DEFB125: variants seen among roughly 807,000 people sequenced by gnomAD.
DEFB125 encodes the protein beta-defensin 125.
In DEFB125, 11 loss-of-function variants were observed where a neutral mutation model predicts 11.8. That is an observed-to-expected ratio of 0.94 (90% CI 0.59 to 1.55). DEFB125 has a LOEUF of 1.55. Among genes scored for constraint, DEFB125 ranks in the 40% most tolerant of loss-of-function variants. The pLI, the probability that DEFB125 is intolerant of heterozygous loss-of-function variation, is 0.00. For missense variants in DEFB125, 198 were observed against 191.2 expected, an observed-to-expected ratio of 1.04 and a Z score of -0.21; for synonymous variants, 79 against 66.7, an observed-to-expected ratio of 1.18 and a Z score of -0.90.
chr20:95,518 A>C (rs781246784), intron 1 of DEFB125, among the ~76,000 whole-genome samples: 20 of 152,146 alleles, frequency 1.3e-4, no homozygotes, highest in Non-Finnish European at 2.8e-4. Flanking sequence ...ACTGATGTTC[A>C]TCAAGGATAC....
chr20:90,693 T>C (rs2054493061), intron 1 of DEFB125, among the ~76,000 whole-genome samples: 1 of 152,200 alleles, frequency 6.6e-6, no homozygotes, highest in Non-Finnish European at 1.5e-5. Context: ...CTGGCCCTTA[T>C]GACCTCTCTC....
intron 1 of DEFB125, among the ~76,000 whole-genome samples, chr20:91,775 G>A (rs2054496984): frequency 6.6e-6 from 1 of 152,208 alleles, no homozygotes; most frequent in Non-Finnish European, 1.5e-5. Context: ...CATATTTCAA[G>A]TATGGATAAT....
intron 1 of DEFB125, among the ~76,000 whole-genome samples, chr20:88,865 GACACACACACACACACAC>G (rs200122767): frequency 6.7e-6 from 1 of 148,428 alleles, no homozygotes; most frequent in South Asian, 2.1e-4. Context: ...TGGACACGTG[GACACACACACACACACAC>G]ACACACACAC....
chr20:95,501 T>G (rs1302703163), intron 1 of DEFB125, among the ~76,000 whole-genome samples: 1 of 152,164 alleles, frequency 6.6e-6, no homozygotes, highest in Non-Finnish European at 1.5e-5. Context: ...TTGTTCAGGA[T>G]TTTTGCACTG....
At position 96,476 on chromosome 20, in the gene DEFB125, A is replaced by G; in HGVS notation, c.*59A>G. 6.5e-7 allele frequency: 1 copy of G among 1,533,024 alleles called. No homozygotes were observed. Among genetic ancestry groups the G allele is most frequent in the Non-Finnish European group, 8.7e-7 (1 of 1,144,354 alleles). The allele number at this position is 1,533,024 out of a possible 1,614,324, so 95.0% of individuals were successfully genotyped here. On this transcript the variant is annotated 3_prime_UTR_variant, in exon 2 of 2. Coordinates refer to ENST00000382410, the MANE Select transcript of DEFB125 (RefSeq NM_153325.4). ...ATACTGCTGGAAATAATATCCAAAG[A>G]GCTGATTCTACCAATCCAATTTCAC...
At chr20:95,885 G>T in intron 1 of DEFB125, 120 bp from the exon 2 acceptor site, 5 of 922,114 alleles carry the variant, frequency 5.4e-6, no homozygotes, top group South Asian at 2.0e-5. Flanking sequence ...TCTTACAATG[G>T]CTTTTTGTAT....
At chr20:88,681 A>G (rs2054485306) in intron 1 of DEFB125, among the ~76,000 whole-genome samples, 2 of 152,208 alleles carry the variant, frequency 1.3e-5, no homozygotes, top group Non-Finnish European at 2.9e-5. Flanking sequence ...GAGACATCTT[A>G]TCCATACATA....
At chr20:90,646 A>T (rs1453957674) in intron 1 of DEFB125, among the ~76,000 whole-genome samples, 2 of 152,188 alleles carry the variant, frequency 1.3e-5, no homozygotes, top group Non-Finnish European at 2.9e-5. Context: ...GAGCGGTAAC[A>T]AGAGTCCATA....
Position 96,482 on chromosome 20 carries a change from T to G in DEFB125, c.*65T>G, listed in dbSNP as rs1312797395. ...CTGGAAATAATATCCAAAGAGCTGATTCTACCAATCCAATTTCACCAGGAA... is the reference window on the plus strand; with the variant it reads ...CTGGAAATAATATCCAAAGAGCTGAGTCTACCAATCCAATTTCACCAGGAA... On this transcript the variant is annotated 3_prime_UTR_variant, in exon 2 of 2. Transcript: ENST00000382410. 142 of 1,518,134 alleles carry G rather than the reference T, an allele frequency of 9.4e-5. No homozygotes were observed. Among genetic ancestry groups the G allele is most frequent in the Non-Finnish European group, 8.8e-7 (1 of 1,136,840 alleles). The allele number at this position is 1,518,134 out of a possible 1,614,324, so 94.0% of individuals were successfully genotyped here. A position where few individuals can be genotyped will look rare whatever the true frequency, so the allele number is the denominator to read the frequency against.
chr20:94,065 T>G (rs1285596390), intron 1 of DEFB125, among the ~76,000 whole-genome samples: 1 of 142,308 alleles, frequency 7.0e-6, no homozygotes, highest in Non-Finnish European at 1.5e-5. Context: ...GATGCCCAAT[T>G]AAACATTTTT....
At chr20:91,947 T>TAG (rs2054497605) in intron 1 of DEFB125, among the ~76,000 whole-genome samples, 1 of 152,130 alleles carries the variant, frequency 6.6e-6, no homozygotes. Context: ...ATAACAAAGA[T>TAG]AGAATAAATG....
intron 1 of DEFB125, among the ~76,000 whole-genome samples, chr20:94,942 G>T (rs1171663253): frequency 6.6e-6 from 1 of 152,154 alleles, no homozygotes; most frequent in African/African-American, 2.4e-5. Flanking sequence ...TTTGTAGCCT[G>T]GCTGCTGGGC....
chr20:95,868 G>T (rs559059076), intron 1 of DEFB125, 137 bp from the exon 2 acceptor site: 3 of 763,150 alleles, frequency 3.9e-6, no homozygotes, highest in South Asian at 2.3e-5. Flanking sequence ...TTGTTCTCCT[G>T]TTTGTCTCTT....
rs1298700574 is a variant in DEFB125 at position 96,862 on chromosome 20, G to A, written c.*445G>A. On this transcript the variant is annotated 3_prime_UTR_variant, in exon 2 of 2. Coordinates refer to ENST00000382410, the MANE Select transcript of DEFB125 (RefSeq NM_153325.4). ...GAGAACATATAAAAGCATATAGAAA[G>A]TTCCAGATGAATGTTCCCTTCTCTA... 1 of 155,384 alleles carries A rather than the reference G, an allele frequency of 6.4e-6. No individual in the cohort carries two copies. The highest frequency in any genetic ancestry group is 1.9e-4 in the East Asian group (1 of 5,294). 9.6% of individuals were successfully genotyped at this position (155,384 alleles called of 1,614,324 possible). A position where few individuals can be genotyped will look rare whatever the true frequency, so the allele number is the denominator to read the frequency against.
At chr20:95,338 G>A (rs1000743521) in intron 1 of DEFB125, among the ~76,000 whole-genome samples, 1 of 151,654 alleles carries the variant, frequency 6.6e-6, no homozygotes. Flanking sequence ...ACCCACCATG[G>A]TTTACCAATT....
At chr20:88,806 AT>A (rs1207584955) in intron 1 of DEFB125, among the ~76,000 whole-genome samples, 14 of 151,774 alleles carry the variant, frequency 9.2e-5, no homozygotes, top group Non-Finnish European at 1.2e-4. Flanking sequence ...ATCAAAAACA[AT>A]TCAGCAAGAA....
chr20:95,298 C>A (rs537754360), intron 1 of DEFB125, among the ~76,000 whole-genome samples: 4 of 152,032 alleles, frequency 2.6e-5, no homozygotes, highest in Non-Finnish European at 5.9e-5. Flanking sequence ...GAATTTAATT[C>A]TAGTCCTCTT....
At chr20:95,198 T>G (rs750828062) in intron 1 of DEFB125, among the ~76,000 whole-genome samples, 24 of 152,304 alleles carry the variant, frequency 1.6e-4, no homozygotes, top group Non-Finnish European at 1.5e-5. Context: ...TAGAGTCTTA[T>G]TCTCCTGTTT....
intron 1 of DEFB125, among the ~76,000 whole-genome samples, chr20:90,513 G>A (rs375152850): frequency 6.6e-6 from 1 of 152,140 alleles, no homozygotes; most frequent in East Asian, 1.9e-4. Context: ...TTCCTCATGA[G>A]ATCTGTCCTT....
Sources: gnomAD v4.1 joint callset for allele counts (sites outside exome capture counted in the v4.1 genomes callset) on GRCh38, gnomAD v4.1.1 for gene constraint, MANE v1.5 for transcripts, NCBI Gene and HGNC (gene_info 2026-07-23, HGNC 2026-07-21) for gene names.